ITFG2: variants seen among roughly 807,000 people sequenced by gnomAD.
The protein encoded by ITFG2 is KICSTOR complex protein ITFG2.
Under a neutral mutation model 54.4 loss-of-function variants are expected in ITFG2, and 36 were observed. The observed-to-expected ratio is 0.66, with a 90% CI of 0.51 to 0.87. ITFG2 has a LOEUF of 0.87. Ranked by LOEUF, ITFG2 falls within the 40% of genes least tolerant of loss-of-function variation. ITFG2 has a pLI of 0.00. For missense variants in ITFG2, 524 were observed against 576.7 expected (o/e 0.91, Z 0.94); for synonymous variants, 211 against 225.4 (o/e 0.94, Z 0.57).
At chr12:2,841,233 C>T (rs764069929) in intron 2 of ITFG2, among the ~76,000 whole-genome samples, 1 of 152,252 alleles carries the variant, frequency 6.6e-6, no homozygotes, top group Non-Finnish European at 1.5e-5. Context: ...GCTGCTCAGT[C>T]ACCCTGGCAT....
At chr12:2,855,574 A>T in intron 2 of ITFG2, 1 of 654,624 alleles carries the variant, frequency 1.5e-6, no homozygotes, top group Non-Finnish European at 2.3e-6. Context: ...AGGACGCAGA[A>T]GTCCTGGCAG....
upstream of ITFG2, among the ~76,000 whole-genome samples, chr12:2,836,006 T>C (rs1472337390): frequency 1.3e-5 from 2 of 152,238 alleles, no homozygotes; most frequent in Admixed American, 6.5e-5. Flanking sequence ...TTCCATTAGA[T>C]GCATGCATGA....
At chr12:2,858,292 T>C (rs2098095524) in exon 3 of ITFG2, 1 of 221,054 alleles carries the variant, frequency 4.5e-6, no homozygotes, top group Non-Finnish European at 8.9e-6. Context: ...TTGGAGAATT[T>C]ATACTATTTA....
intron 2 of ITFG2, chr12:2,855,296 A>G: frequency 6.6e-7 from 1 of 1,524,266 alleles, no homozygotes. Context: ...CGCACCTTGG[A>G]CTTCATATCT....
rs924212979 is a variant in ITFG2, at chr12:2,821,552, C to T, written c.803C>T (p.Thr268Ile). ...LIGNIKQGHGTESSGSGLFAL... is the reference protein window; with the variant it reads ...LIGNIKQGHGIESSGSGLFAL... ...CCTCTGGTCCTCACAGGCCACGGCA[C>T]TGAGAGTAGTGGCTCTGGCCTCTTT... Residue 268 changes from threonine to isoleucine, a missense_variant, in exon 8 of 12, where the codon ACT becomes ATT. Physicochemically the swap from Thr to Ile is moderately conservative, Grantham distance 89 (BLOSUM62 -1). Coordinates refer to ENST00000228799, the MANE Select transcript of ITFG2 (RefSeq NM_018463.4). 6.2e-7 allele frequency: 1 copy of T among 1,614,198 alleles called. No individual in the cohort carries two copies. Among genetic ancestry groups the T allele is most frequent in the African/African-American group, 1.3e-5 (1 of 75,046 alleles).
chr12:2,853,568 C>T (rs11062384), intron 2 of ITFG2, among the ~76,000 whole-genome samples: 22,041 of 151,688 alleles, frequency 0.15, 1,684 homozygotes, highest in South Asian at 0.29. Flanking sequence ...CCACCAGGCC[C>T]GGCCTGTTTT....
chr12:2,839,341 A>G (rs561556832), intron 1 of ITFG2, among the ~76,000 whole-genome samples: 2 of 152,320 alleles, frequency 1.3e-5, no homozygotes, highest in East Asian at 3.9e-4. Flanking sequence ...TTGGTCTCTA[A>G]TAATGAGACA....
rs1043149245 is a variant in ITFG2, at chr12:2,824,396, C to T, written c.*203C>T. On this transcript the variant is annotated 3_prime_UTR_variant, in exon 12 of 12. Coordinates refer to ENST00000228799, the MANE Select transcript of ITFG2 (RefSeq NM_018463.4). ...TCGGTGAAAGAAGAGACAAGTTGACCCTCTGCCCATTTCCTTATGGACCTC... is the reference window on the plus strand; with the variant it reads ...TCGGTGAAAGAAGAGACAAGTTGACTCTCTGCCCATTTCCTTATGGACCTC... The T allele has an allele frequency of 6.0e-6, 4 of 662,038 alleles. No individual in the cohort carries two copies. Among genetic ancestry groups the T allele is most frequent in the African/African-American group, 5.3e-5 (3 of 56,374 alleles). 41.0% of individuals were successfully genotyped at this position (662,038 alleles called of 1,614,324 possible).
At chr12:2,817,164 G>A in intron 1 of ITFG2, 59 bp from the exon 2 acceptor site, 1 of 1,100,830 alleles carries the variant, frequency 9.1e-7, no homozygotes. Context: ...AAGTAGAGAA[G>A]AGCTTGAAGA....
At position 2,824,290 on chromosome 12, in the gene ITFG2, C is replaced by A; in HGVS notation, c.*97C>A. ...TTGGCAGGATAGGGAATATGCATTA[C>A]AGAAATGCAGGATTTGACTCTGGGC... is the stretch of plus-strand genomic sequence containing the variant. On this transcript the variant is annotated 3_prime_UTR_variant, in exon 12 of 12. Coordinates refer to ENST00000228799, the MANE Select transcript of ITFG2 (RefSeq NM_018463.4). 1.6e-6 allele frequency: 2 copies of A among 1,245,370 alleles called. No individual in the cohort carries two copies. Among genetic ancestry groups the A allele is most frequent in the Non-Finnish European group, 2.3e-6 (2 of 857,434 alleles). The allele number at this position is 1,245,370 out of a possible 1,614,324, so 77.1% of individuals were successfully genotyped here. A position where few individuals can be genotyped will look rare whatever the true frequency, so the allele number is the denominator to read the frequency against.
At chr12:2,854,333 T>C (rs561794670) in intron 2 of ITFG2, among the ~76,000 whole-genome samples, 1 of 152,338 alleles carries the variant, frequency 6.6e-6, no homozygotes, top group Admixed American at 6.5e-5. Flanking sequence ...CCATAACATC[T>C]AACTTTTGTT....
At chr12:2,833,916 C>G (rs1451772839), upstream of ITFG2, among the ~76,000 whole-genome samples, 7 of 152,222 alleles carry the variant, frequency 4.6e-5, no homozygotes, top group Non-Finnish European at 8.8e-5. Flanking sequence ...GAGCCAGGAT[C>G]TGATCCCAAG....
At chr12:2,849,508 GC>G in intron 2 of ITFG2, 7 of 1,536,162 alleles carry the variant, frequency 4.6e-6, no homozygotes, top group Non-Finnish European at 6.1e-6. Context: ...CCTCCCACCA[GC>G]GGATATGTGC....
chr12:2,854,890 T>G (rs142116052), intron 2 of ITFG2: 1 of 1,529,336 alleles, frequency 6.5e-7, no homozygotes, highest in Middle Eastern at 1.7e-4. Context: ...GGAGGCACCG[T>G]CTTACTTCTT....
downstream of ITFG2, chr12:2,825,356 CAA>C (rs1305600859): frequency 3.3e-5 from 5 of 152,342 alleles, no homozygotes; most frequent in Admixed American, 6.5e-5. Flanking sequence ...CATAGAGAAA[CAA>C]GAGTTTATTC....
chr12:2,832,650 C>G (rs2098009502), upstream of ITFG2, among the ~76,000 whole-genome samples: 1 of 151,508 alleles, frequency 6.6e-6, no homozygotes, highest in African/African-American at 2.4e-5. Flanking sequence ...TTCCATGCTT[C>G]TCACAAATGT....
rs917881724 is a variant in ITFG2, at chr12:2,820,066, C to T, written c.407-20C>T. ...CTGCTCGTGGGACTCCAGAGCCCAT[C>T]TTGTCTTTCATGCCCACAGATGGAG... On this transcript the variant is annotated intron_variant, in intron 4 of 11. Transcript: ENST00000228799. The T allele has an allele frequency of 1.9e-6, 3 of 1,595,234 alleles. No individual in the cohort carries two copies. The Admixed American group carries it at 5.2e-5, about 28-fold the overall frequency.
intron 2 of ITFG2, chr12:2,830,662 G>T (rs1242773029): frequency 3.2e-6 from 5 of 1,568,622 alleles, no homozygotes; most frequent in Non-Finnish European, 4.3e-6. Flanking sequence ...TGAAGTGAGT[G>T]CAGGCAGGGT....
At chr12:2,854,773 T>G in intron 2 of ITFG2, 1 of 1,007,574 alleles carries the variant, frequency 9.9e-7, no homozygotes, top group Non-Finnish European at 1.4e-6. Context: ...AGAAAAGAGT[T>G]TGGTTTTCAG....
Sources: allele counts gnomAD v4.1 joint callset (sites outside exome capture counted in the v4.1 genomes callset), GRCh38; gene constraint gnomAD v4.1.1; transcripts MANE v1.5; gene names NCBI Gene and HGNC (gene_info 2026-07-23, HGNC 2026-07-21).